TASP1: variants seen among roughly 807,000 people sequenced by gnomAD.
The protein encoded by TASP1 is threonine aspartase 1.
Under a neutral mutation model 56.6 loss-of-function variants are expected in TASP1, and 16 were observed. That is an observed-to-expected ratio of 0.28 (90% confidence interval 0.19 to 0.43). The LOEUF (loss-of-function observed/expected upper bound fraction) is 0.43. Among genes scored for constraint, TASP1 ranks in the 20% least tolerant of loss-of-function variants. TASP1 has a pLI of 1.00. For synonymous variants in TASP1, 179 were observed against 184.2 expected (o/e 0.97, Z 0.23); for missense variants, 393 against 511.6 (o/e 0.77, Z 2.24).
At chr20:13,467,467 C>A (rs1203150738) in intron 11 of TASP1, among the ~76,000 whole-genome samples, 2 of 149,904 alleles carry the variant, frequency 1.3e-5, no homozygotes, top group Non-Finnish European at 3.0e-5. Context: ...TTTAAAGTGT[C>A]ATTGCTTCAT....
At chr20:13,594,058 C>T (rs1365545844) in intron 4 of TASP1, among the ~76,000 whole-genome samples, 1 of 152,202 alleles carries the variant, frequency 6.6e-6, no homozygotes, top group Non-Finnish European at 1.5e-5. Flanking sequence ...GTTCTGCAGC[C>T]TCTGCTGGTG....
chr20:13,231,598 C>G, the TASP1 span, among the ~76,000 whole-genome samples: 1 of 152,150 alleles, frequency 6.6e-6, no homozygotes, highest in African/African-American at 2.4e-5. Flanking sequence ...TTTTGTAAAC[C>G]GAGTAGAAGT....
the TASP1 span, among the ~76,000 whole-genome samples, chr20:13,230,737 T>C: frequency 2.7e-5 from 4 of 150,468 alleles, no homozygotes; most frequent in Non-Finnish European, 5.9e-5. Flanking sequence ...AGCAAGGGAA[T>C]GTGTTGTAGA....
At chr20:13,230,448 T>G in the TASP1 span, among the ~76,000 whole-genome samples, 2 of 152,222 alleles carry the variant, frequency 1.3e-5, no homozygotes, top group African/African-American at 2.4e-5. Flanking sequence ...TTAGTCTTAT[T>G]GTAAAACATT....
At chr20:13,556,762 A>G (rs1253031312) in intron 8 of TASP1, among the ~76,000 whole-genome samples, 1 of 152,036 alleles carries the variant, frequency 6.6e-6, no homozygotes, top group Non-Finnish European at 1.5e-5. Context: ...CATAAAAGCC[A>G]CTCATTTTTT....
At chr20:13,375,662 G>C in the TASP1 span, among the ~76,000 whole-genome samples, 1 of 152,104 alleles carries the variant, frequency 6.6e-6, no homozygotes, top group Non-Finnish European at 1.5e-5. Context: ...TCACCACACT[G>C]TATTCCACAA....
chr20:13,610,550 C>T (rs1036361756), intron 4 of TASP1, among the ~76,000 whole-genome samples: 1 of 152,074 alleles, frequency 6.6e-6, no homozygotes, highest in Non-Finnish European at 1.5e-5. Context: ...ATACTATACA[C>T]ACAAGAAAGC....
the TASP1 span, among the ~76,000 whole-genome samples, chr20:13,209,332 A>G: frequency 0.02 from 3,060 of 152,290 alleles, 44 homozygotes; most frequent in Non-Finnish European, 0.031. Flanking sequence ...GCTAATATAC[A>G]CAGTCTTCAC....
At chr20:13,113,100 T>C in the TASP1 span, among the ~76,000 whole-genome samples, 1 of 152,062 alleles carries the variant, frequency 6.6e-6, no homozygotes, top group African/African-American at 2.4e-5. Context: ...CAAGAATCAC[T>C]TGAACCTGGG....
chr20:13,485,436 T>A (rs893611725), intron 10 of TASP1, among the ~76,000 whole-genome samples: 2 of 152,010 alleles, frequency 1.3e-5, no homozygotes, highest in African/African-American at 4.8e-5. Flanking sequence ...AGTAAAAAAA[T>A]AAACACAGGC....
the TASP1 span, among the ~76,000 whole-genome samples, chr20:13,118,317 C>T: frequency 2.6e-5 from 4 of 151,842 alleles, no homozygotes; most frequent in East Asian, 7.7e-4. Context: ...ATGTTGCATA[C>T]ACCATAGGTC....
At chr20:13,628,283 A>T (rs1268164054) in intron 2 of TASP1, among the ~76,000 whole-genome samples, 1 of 152,194 alleles carries the variant, frequency 6.6e-6, no homozygotes, top group Non-Finnish European at 1.5e-5. Flanking sequence ...ATTGCTTGTT[A>T]CAACTTTCAG....
the TASP1 span, among the ~76,000 whole-genome samples, chr20:13,370,233 G>A: frequency 2.2e-4 from 34 of 151,936 alleles, no homozygotes; most frequent in South Asian, 6.2e-4. Context: ...AGAAATATAA[G>A]ATACAAAGAA....
chr20:13,388,971 G>C (rs1218675907), downstream of TASP1, among the ~76,000 whole-genome samples: 2 of 152,038 alleles, frequency 1.3e-5, no homozygotes, highest in South Asian at 2.1e-4. Context: ...ATGGTGCAGG[G>C]CACTTCCTCC....
intron 11 of TASP1, among the ~76,000 whole-genome samples, chr20:13,468,146 A>G (rs2044336797): frequency 6.6e-6 from 1 of 152,222 alleles, no homozygotes; most frequent in African/African-American, 2.4e-5. Context: ...CACAAATTCA[A>G]ATAAAGCCTG....
At chr20:13,593,004 AG>A (rs1223465414) in intron 4 of TASP1, among the ~76,000 whole-genome samples, 1 of 152,224 alleles carries the variant, frequency 6.6e-6, no homozygotes, top group African/African-American at 2.4e-5. Context: ...GTCCAACATT[AG>A]AAAATCAATT....
the TASP1 span, among the ~76,000 whole-genome samples, chr20:13,187,732 CAAAAAAA>C: frequency 1.7e-5 from 1 of 57,154 alleles, no homozygotes; most frequent in African/African-American, 7.0e-5. Context: ...GACTCCATCT[CAAAAAAA>C]AAAAAAAAAA....
the TASP1 span, among the ~76,000 whole-genome samples, chr20:13,262,902 A>G: frequency 6.6e-6 from 1 of 152,208 alleles, no homozygotes; most frequent in East Asian, 1.9e-4. Flanking sequence ...GCCCTAAAGT[A>G]AACATCGTTA....
At chr20:13,393,744 T>A in intron 13 of TASP1, 1 of 718,106 alleles carries the variant, frequency 1.4e-6, no homozygotes, top group Non-Finnish European at 2.4e-6. Flanking sequence ...TGGGAGTCCC[T>A]GCCCACACTC....
Sources: gnomAD v4.1 joint callset for allele counts (sites outside exome capture counted in the v4.1 genomes callset) on GRCh38, gnomAD v4.1.1 for gene constraint, MANE v1.5 for transcripts, NCBI Gene and HGNC (gene_info 2026-07-23, HGNC 2026-07-21) for gene names.